PITPNM2: variants seen among roughly 807,000 people sequenced by gnomAD.
PITPNM2 encodes phosphatidylinositol transfer protein membrane associated 2.
A neutral mutation model predicts 132.2 loss-of-function variants in PITPNM2; 35 were observed. The observed-to-expected ratio is 0.26, with a 90% CI of 0.20 to 0.35. The LOEUF is 0.35. Among genes scored for constraint, PITPNM2 ranks in the 10% least tolerant of loss-of-function variants. PITPNM2 has a pLI of 1.00. For missense variants in PITPNM2, 1,332 were observed against 1,912.0 expected, an observed-to-expected ratio of 0.70 and a Z score of 5.66; for synonymous variants, 738 against 799.2, an observed-to-expected ratio of 0.92 and a Z score of 1.29.
Position 123,022,697 on chromosome 12 carries a change from A to G in PITPNM2, c.79-8655T>C, listed in dbSNP as rs907441549. 3.3e-5 allele frequency among the ~76,000 whole-genome samples: 5 copies of G among 152,210 alleles called. No individual in the cohort carries two copies. The highest frequency in any genetic ancestry group is 1.2e-4 in the African/African-American group (5 of 41,454). On this transcript the variant is annotated intron_variant, in intron 3 of 25. Transcript: ENST00000320201. This position sits in a 1 kb window ranked among gnomAD's most constrained non-coding sequence, Gnocchi z 4.9. ...AGGCCATGAGTGACTGTGGTAGTGC[A>G]GAGACAGAGAAGCAGCCACAGATTG...
intron 2 of PITPNM2, among the ~76,000 whole-genome samples, chr12:123,041,781 G>T (rs2040486374): frequency 6.6e-6 from 1 of 152,166 alleles, no homozygotes; most frequent in East Asian, 1.9e-4. Flanking sequence ...AGGGAGGAAG[G>T]CCAGGCAAGG....
At chr12:123,021,702 A>G in intron 3 of PITPNM2, 1 of 985,270 alleles carries the variant, frequency 1.0e-6, no homozygotes, top group Non-Finnish European at 1.2e-6. Flanking sequence ...AGGGTCCAAG[A>G]GGGGCTCCCT....
intron 3 of PITPNM2, among the ~76,000 whole-genome samples, chr12:123,026,372 A>G (rs556174392): frequency 2.0e-5 from 3 of 152,318 alleles, no homozygotes; most frequent in South Asian, 2.1e-4. Context: ...TACCCGTAGA[A>G]CCTTTGGAGG....
intron 3 of PITPNM2, 105 bp downstream of exon 3, chr12:123,034,408 G>T: frequency 9.7e-7 from 1 of 1,034,328 alleles, no homozygotes; most frequent in Non-Finnish European, 1.5e-6. Flanking sequence ...TTCTGGGGCA[G>T]GCACTGCACT....
chr12:123,095,566 C>A lies in PITPNM2; in HGVS notation c.-96+14819G>T, dbSNP rs897956120. ...AAGTGAGACGAAGTGTCTTCCAATA[C>A]ACACATCGGAGTGTGTCACTTCTCT... is the stretch of plus-strand genomic sequence containing the variant. On this transcript the variant is annotated intron_variant, in intron 2 of 25. Transcript: ENST00000320201. The surrounding 1 kb of genome is among the most constrained non-coding windows in gnomAD (Gnocchi z 5.0). Among the ~76,000 whole-genome samples, 1 of 152,126 alleles carries A rather than the reference C, an allele frequency of 6.6e-6. No individual in the cohort carries two copies. Among genetic ancestry groups the A allele is most frequent in the African/African-American group, 2.4e-5 (1 of 41,426 alleles).
In PITPNM2 at chr12:123,077,995, C is replaced by T. The variant is rs1464874562; in HGVS notation, c.-96+32390G>A. On this transcript the variant is annotated intron_variant, in intron 2 of 25. Coordinates refer to ENST00000320201, the MANE Select transcript of PITPNM2 (RefSeq NM_020845.3). The surrounding 1 kb of genome is among the most constrained non-coding windows in gnomAD (Gnocchi z 4.8). ...AGCCCATGCCTGGAGACAGAGGACA[C>T]TGAGGAGCACGCGTGTCCCCAGGAT... 6.6e-6 allele frequency among the ~76,000 whole-genome samples: 1 copy of T among 152,040 alleles called. No individual in the cohort carries two copies. The highest frequency in any genetic ancestry group is 1.5e-5 in the Non-Finnish European group (1 of 68,012).
intron 16 of PITPNM2, chr12:122,991,891 G>A (rs757023325): frequency 3.1e-6 from 4 of 1,311,126 alleles, no homozygotes; most frequent in Non-Finnish European, 3.9e-6. Context: ...TTCTCTGCAC[G>A]GTCTCGACTG....
intron 2 of PITPNM2, among the ~76,000 whole-genome samples, chr12:123,055,178 G>A (rs1374546534): frequency 6.6e-6 from 1 of 152,246 alleles, no homozygotes; most frequent in Non-Finnish European, 1.5e-5. Context: ...TGGTTCTGAA[G>A]TCTCGAAGTC....
Position 123,065,617 on chromosome 12 carries a change from A to G in PITPNM2, c.-95-30932T>C, listed in dbSNP as rs185802982. On this transcript the variant is annotated intron_variant, in intron 2 of 25. Transcript: ENST00000320201. ...GAAAGGATTTTGGCAAGTTGGTGTG[A>G]GACTTGCAGGAGGCCAGCAAGCTCA... 9.2e-5 allele frequency among the ~76,000 whole-genome samples: 14 copies of G among 152,382 alleles called. No individual in the cohort carries two copies. The East Asian group carries it at 1.7e-3, about 19-fold the overall frequency.
At position 123,005,630 on chromosome 12, in the gene PITPNM2, G is replaced by T. The variant is rs776745850; in HGVS notation, c.644-82C>A. On this transcript the variant is annotated intron_variant, in intron 6 of 25. Transcript: ENST00000320201. This position sits in a 1 kb window ranked among gnomAD's most constrained non-coding sequence, Gnocchi z 6.2. Reference sequence around the variant, plus strand: ...GCCTGCACGGAAGTGTGGGGCCCAGGCAGGGGCTTTGGGAGGCTGTACCCA... The same window carrying T: ...GCCTGCACGGAAGTGTGGGGCCCAGTCAGGGGCTTTGGGAGGCTGTACCCA... 5 of 1,416,832 alleles carry T rather than the reference G, an allele frequency of 3.5e-6. No individual in the cohort carries two copies. Among genetic ancestry groups the T allele is most frequent in the Non-Finnish European group, 4.8e-6 (5 of 1,038,828 alleles). 87.8% of individuals were successfully genotyped at this position (1,416,832 alleles called of 1,614,324 possible).
At chr12:123,016,903 G>A (rs112327944) in intron 3 of PITPNM2, among the ~76,000 whole-genome samples, 3 of 151,782 alleles carry the variant, frequency 2.0e-5, no homozygotes, top group Admixed American at 6.6e-5. Flanking sequence ...AAAATTAGCC[G>A]GGCATGGTGG....
Position 122,988,202 on chromosome 12 carries a change from C to T in PITPNM2, c.2997+32G>A, listed in dbSNP as rs1388209481. 2.5e-6 allele frequency: 4 copies of T among 1,568,790 alleles called. No individual in the cohort carries two copies. The South Asian group carries it at 3.3e-5, about 13-fold the overall frequency. On this transcript the variant is annotated intron_variant, in intron 20 of 25. Coordinates refer to ENST00000320201, the MANE Select transcript of PITPNM2 (RefSeq NM_020845.3). ...ACGGAGGCTGGTGACAGGGTGACAT[C>T]GTGGGGGCCTGGGCGCCCGGGGGAC...
chr12:123,003,825 A>C (rs2038799855), intron 8 of PITPNM2, among the ~76,000 whole-genome samples: 1 of 152,206 alleles, frequency 6.6e-6, no homozygotes, highest in Admixed American at 6.5e-5. Context: ...CTGGAGAGGA[A>C]TGGCTGGGGC....
At chr12:123,002,527 C>A (rs1423582097) in intron 8 of PITPNM2, among the ~76,000 whole-genome samples, 5 of 152,300 alleles carry the variant, frequency 3.3e-5, no homozygotes, top group Non-Finnish European at 5.9e-5. Flanking sequence ...ATCCTCCCAT[C>A]TCAGCCTCCC....
At chr12:123,076,327 G>A (rs2041787410) in intron 2 of PITPNM2, among the ~76,000 whole-genome samples, 1 of 152,202 alleles carries the variant, frequency 6.6e-6, no homozygotes, top group Admixed American at 6.5e-5. Context: ...CCATCTGATT[G>A]CTCAAAGAGA....
chr12:123,116,913 G>A (rs1405924454), intron 1 of PITPNM2, among the ~76,000 whole-genome samples: 2 of 152,230 alleles, frequency 1.3e-5, no homozygotes, highest in African/African-American at 4.8e-5. Context: ...AAGTAGTCAA[G>A]TTGTTCCAGC....
At position 123,058,281 on chromosome 12, in the gene PITPNM2, G is replaced by A. The variant is rs2136733064; in HGVS notation, c.-95-23596C>T. ...CAAGAATTCCAAGTCACCCATGGCT[G>A]AGCCATGGGAAGAACACCTGCTATG... On this transcript the variant is annotated intron_variant, in intron 2 of 25. Transcript: ENST00000320201. This position sits in a 1 kb window ranked among gnomAD's most constrained non-coding sequence, Gnocchi z 4.0. Among the ~76,000 whole-genome samples, 1 of 152,274 alleles carries A rather than the reference G, an allele frequency of 6.6e-6. No individual in the cohort carries two copies. Among genetic ancestry groups the A allele is most frequent in the African/African-American group, 2.4e-5 (1 of 41,542 alleles).
chr12:123,103,132 G>C (rs997673098), intron 2 of PITPNM2, among the ~76,000 whole-genome samples: 1 of 152,182 alleles, frequency 6.6e-6, no homozygotes, highest in African/African-American at 2.4e-5. Context: ...TAGACACAAG[G>C]CCTCTGGTTT....
chr12:122,986,388 C>A, intron 25 of PITPNM2, 38 bp from the exon 26 acceptor site: 3 of 1,563,950 alleles, frequency 1.9e-6, no homozygotes, highest in African/African-American at 1.3e-5. Context: ...CAGGCTGGGG[C>A]TCCCCGAGCT....
Sources: allele counts gnomAD v4.1 joint callset (sites outside exome capture counted in the v4.1 genomes callset), GRCh38; gene constraint gnomAD v4.1.1; non-coding constraint Gnocchi (gnomAD v3.1); transcripts MANE v1.5; gene names NCBI Gene and HGNC (gene_info 2026-07-23, HGNC 2026-07-21).